Variants in MARCHF10 observed in about 807,000 individuals in gnomAD.
MARCHF10 encodes the protein membrane associated ring-CH-type finger 10.
In MARCHF10, 64 loss-of-function variants were observed where a neutral mutation model predicts 76.2. The observed-to-expected ratio is 0.84, with a 90% CI of 0.69 to 1.03. The LOEUF is 1.03. Ranked by LOEUF, MARCHF10 falls within the 50% of genes least tolerant of loss-of-function variation. The probability of loss-of-function intolerance (pLI) is 0.00; values close to 1 mark genes in which losing one functional copy is unlikely to be tolerated. For synonymous variants in MARCHF10, 340 were observed against 357.5 expected, an observed-to-expected ratio of 0.95 and a Z score of 0.55; for missense variants, 875 against 958.0, an observed-to-expected ratio of 0.91 and a Z score of 1.14.
At chr17:62,797,266 A>T (rs558722757) in intron 2 of MARCHF10, among the ~76,000 whole-genome samples, 60 of 152,218 alleles carry the variant, frequency 3.9e-4, no homozygotes, top group African/African-American at 1.4e-3. Context: ...GTAGAGTGGC[A>T]CTATCTTGGC....
chr17:62,764,371 C>T (rs972286638), intron 3 of MARCHF10, among the ~76,000 whole-genome samples: 2 of 152,040 alleles, frequency 1.3e-5, no homozygotes, highest in African/African-American at 2.4e-5. Context: ...CCATCTTTGC[C>T]GTGAGTCACG....
chr17:62,744,043 A>C (rs1424341780), intron 5 of MARCHF10, among the ~76,000 whole-genome samples: 1 of 151,840 alleles, frequency 6.6e-6, no homozygotes. Flanking sequence ...GCCATCTACC[A>C]CCCAAATGCC....
rs1228519997 is a variant in MARCHF10, at chr17:62,788,830, G to A, written c.91-231C>T. Among the ~76,000 whole-genome samples the A allele has an allele frequency of 4.0e-5, 6 of 151,850 alleles. No homozygotes were observed. In the South Asian group the frequency reaches 6.3e-4, roughly 16 times the overall value. On this transcript the variant is annotated intron_variant, in intron 2 of 10. Transcript: ENST00000311269. ...TGTAATCCCAGCACTTTGGGAGGCCGAGGCGGGTGGATCATGAGGTCAGGA... is the reference window on the plus strand; with the variant it reads ...TGTAATCCCAGCACTTTGGGAGGCCAAGGCGGGTGGATCATGAGGTCAGGA...
chr17:62,802,509 C>A (rs1324526447), intron 1 of MARCHF10, among the ~76,000 whole-genome samples: 1 of 152,112 alleles, frequency 6.6e-6, no homozygotes, highest in Non-Finnish European at 1.5e-5. Context: ...TGTGAGCCAC[C>A]GCACCTGGCC....
At chr17:62,727,110 C>T (rs978760931) in intron 6 of MARCHF10, among the ~76,000 whole-genome samples, 16 of 152,146 alleles carry the variant, frequency 1.1e-4, no homozygotes, top group Admixed American at 2.0e-4. Flanking sequence ...GGAACCTGAA[C>T]GTTAAGATGG....
At chr17:62,734,261 C>T (rs2091164262) in intron 6 of MARCHF10, among the ~76,000 whole-genome samples, 1 of 151,666 alleles carries the variant, frequency 6.6e-6, no homozygotes, top group Admixed American at 6.6e-5. Context: ...CAACGAAATG[C>T]AAAAGGATGA....
intron 9 of MARCHF10, among the ~76,000 whole-genome samples, chr17:62,709,010 G>A: frequency 6.6e-6 from 1 of 152,180 alleles, no homozygotes; most frequent in East Asian, 1.9e-4. Flanking sequence ...CTACTTTCCA[G>A]TTATTTCCTG....
intron 3 of MARCHF10, among the ~76,000 whole-genome samples, chr17:62,762,641 G>A (rs544602961): frequency 3.3e-5 from 5 of 152,192 alleles, no homozygotes; most frequent in Admixed American, 1.3e-4. Flanking sequence ...CGACCTCCCC[G>A]GTTCAAGCAA....
chr17:62,721,753 A>G (rs2090498082), intron 8 of MARCHF10, among the ~76,000 whole-genome samples: 1 of 152,160 alleles, frequency 6.6e-6, no homozygotes, highest in South Asian at 2.1e-4. Context: ...CCTCATGTTC[A>G]TTAGCTGTAT....
chr17:62,716,324 G>T (rs1348694703), intron 8 of MARCHF10, among the ~76,000 whole-genome samples: 3 of 151,960 alleles, frequency 2.0e-5, no homozygotes, highest in Non-Finnish European at 4.4e-5. Flanking sequence ...GGGTGTGGTA[G>T]CTCACACCTG....
At chr17:62,743,904 T>C (rs2091606040) in intron 5 of MARCHF10, among the ~76,000 whole-genome samples, 1 of 152,168 alleles carries the variant, frequency 6.6e-6, no homozygotes, top group African/African-American at 2.4e-5. Context: ...AGAAGATCTC[T>C]GCTGGGAGGT....
In MARCHF10 at chr17:62,736,010, C is replaced by A. The variant is rs760904525; in HGVS notation, c.1858G>T (p.Ala620Ser). The change falls in exon 6 of 11, where the codon GCA (alanine) becomes TCA (serine). Residue 620 changes from alanine to serine, a missense_variant. Coordinates refer to ENST00000311269, the MANE Select transcript of MARCHF10 (RefSeq NM_152598.4). ...PNQNDNGSRM[A>S]ASGFTDEKET... ...TTTTCATCTGTGAAACCAGAGGCTGCCATCCTGCTCCCATTATCATTTTGA... is the reference window on the plus strand; with the variant it reads ...TTTTCATCTGTGAAACCAGAGGCTGACATCCTGCTCCCATTATCATTTTGA... 6.2e-7 allele frequency: 1 copy of A among 1,614,076 alleles called. No individual in the cohort carries two copies. Among genetic ancestry groups the A allele is most frequent in the South Asian group, 1.1e-5 (1 of 91,022 alleles).
chr17:62,807,465 C>A (rs1338964110), intron 1 of MARCHF10, among the ~76,000 whole-genome samples: 1 of 152,068 alleles, frequency 6.6e-6, no homozygotes, highest in East Asian at 1.9e-4. Context: ...GACCATCAAG[C>A]CCAGAAGAGA....
chr17:62,799,106 C>T (rs11870240), intron 2 of MARCHF10, among the ~76,000 whole-genome samples: 32,245 of 152,124 alleles, frequency 0.21, 4,529 homozygotes, highest in Non-Finnish European at 0.31. Context: ...GGTTTAAAAT[C>T]GTGATGATAA....
At chr17:62,723,916 T>C (rs115033106) in intron 7 of MARCHF10, among the ~76,000 whole-genome samples, 3,963 of 152,182 alleles carry the variant, frequency 0.026, 214 homozygotes, top group African/African-American at 0.092. Context: ...ACGGGCTCCA[T>C]GGATGACACA....
chr17:62,794,196 TCACCAC>T, intron 2 of MARCHF10, among the ~76,000 whole-genome samples: 1 of 132,622 alleles, frequency 7.5e-6, no homozygotes, highest in Middle Eastern at 4.6e-3. Context: ...ATCACAACCA[TCACCAC>T]CACCACCACT....
At chr17:62,702,678 A>AAAAAAAG (rs1288393421) in intron 10 of MARCHF10, among the ~76,000 whole-genome samples, 1 of 152,098 alleles carries the variant, frequency 6.6e-6, no homozygotes, top group Non-Finnish European at 1.5e-5. Context: ...AAAGAAAAAT[A>AAAAAAAG]AAAAAAGAAA....
intron 8 of MARCHF10, among the ~76,000 whole-genome samples, chr17:62,719,992 G>T (rs557670100): frequency 1.8e-4 from 28 of 152,244 alleles, no homozygotes; most frequent in African/African-American, 6.5e-4. Context: ...TTCTTCATTT[G>T]TTAGAGTTTT....
intron 3 of MARCHF10, among the ~76,000 whole-genome samples, chr17:62,777,909 C>T (rs919213803): frequency 2.0e-5 from 3 of 152,092 alleles, no homozygotes; most frequent in African/African-American, 7.2e-5. Flanking sequence ...GAATACCTTC[C>T]TGGGCAAAGC....
Sources: allele counts gnomAD v4.1 joint callset (sites outside exome capture counted in the v4.1 genomes callset), GRCh38; gene constraint gnomAD v4.1.1; transcripts MANE v1.5; gene names NCBI Gene and HGNC (gene_info 2026-07-23, HGNC 2026-07-21).